Variants in MBOAT2 observed in about 807,000 individuals in gnomAD.
MBOAT2 encodes the protein membrane bound glycerophospholipid O-acyltransferase 2.
Under a neutral mutation model 63.4 loss-of-function variants are expected in MBOAT2, and 28 were observed. The observed-to-expected ratio is 0.44, with a 90% CI of 0.33 to 0.61. MBOAT2 has a LOEUF of 0.61. MBOAT2 is among the 20% of genes least tolerant of loss of function. The probability of loss-of-function intolerance (pLI) is 0.03; values close to 1 mark genes in which losing one functional copy is unlikely to be tolerated. For missense variants in MBOAT2, 470 were observed against 605.8 expected (o/e 0.78, Z 2.35); for synonymous variants, 211 against 215.6 (o/e 0.98, Z 0.19).
At chr2:8,906,065 C>G (rs1665305738) in intron 4 of MBOAT2, among the ~76,000 whole-genome samples, 1 of 152,304 alleles carries the variant, frequency 6.6e-6, no homozygotes, top group Non-Finnish European at 1.5e-5. Flanking sequence ...TCAAGCAACT[C>G]TTCCCACCTC....
intron 9 of MBOAT2, among the ~76,000 whole-genome samples, chr2:8,867,504 C>T (rs552422401): frequency 6.6e-6 from 1 of 152,292 alleles, no homozygotes; most frequent in African/African-American, 2.4e-5. Context: ...CCATGATCTG[C>T]CTCGTGGACA....
At chr2:8,894,012 T>C (rs1251852970) in intron 4 of MBOAT2, among the ~76,000 whole-genome samples, 1 of 152,060 alleles carries the variant, frequency 6.6e-6, no homozygotes, top group Admixed American at 6.6e-5. Context: ...GCAGGTTTGT[T>C]ACATAGGTAT....
intron 1 of MBOAT2, among the ~76,000 whole-genome samples, chr2:8,965,216 C>T (rs1161082392): frequency 1.3e-5 from 2 of 152,168 alleles, no homozygotes; most frequent in African/African-American, 4.8e-5. Context: ...ACCAGGAATT[C>T]TGAATTTTCC....
At chr2:8,901,053 G>A (rs755022013) in intron 4 of MBOAT2, among the ~76,000 whole-genome samples, 7 of 151,946 alleles carry the variant, frequency 4.6e-5, no homozygotes, top group Non-Finnish European at 1.0e-4. Flanking sequence ...TTTGTTTCTC[G>A]CCCTGCCCAA....
intron 1 of MBOAT2, among the ~76,000 whole-genome samples, chr2:8,965,180 T>C (rs948981033): frequency 2.0e-5 from 3 of 152,160 alleles, no homozygotes; most frequent in Admixed American, 1.3e-4. Flanking sequence ...ATAGTTCAAG[T>C]GTAATTATAT....
At chr2:8,988,150 T>G (rs1218686982) in intron 1 of MBOAT2, among the ~76,000 whole-genome samples, 1 of 152,216 alleles carries the variant, frequency 6.6e-6, no homozygotes, top group Non-Finnish European at 1.5e-5. Context: ...GAACTTTGGC[T>G]TTGTCCTTGG....
intron 3 of MBOAT2, among the ~76,000 whole-genome samples, chr2:8,941,275 C>T (rs1350032259): frequency 1.3e-5 from 2 of 152,184 alleles, no homozygotes; most frequent in African/African-American, 4.8e-5. Context: ...TCTTCTACAT[C>T]AATAGTGTCA....
At chr2:8,945,608 C>T (rs1235622416) in intron 2 of MBOAT2, among the ~76,000 whole-genome samples, 1 of 152,056 alleles carries the variant, frequency 6.6e-6, no homozygotes, top group Non-Finnish European at 1.5e-5. Context: ...TCAAAACTCA[C>T]GTTGTTTCGG....
intron 1 of MBOAT2, among the ~76,000 whole-genome samples, chr2:8,989,177 G>C (rs1671757966): frequency 6.6e-6 from 1 of 152,138 alleles, no homozygotes; most frequent in South Asian, 2.1e-4. Flanking sequence ...AATATGCTTT[G>C]ATGAGCCCCT....
intron 1 of MBOAT2, among the ~76,000 whole-genome samples, chr2:8,978,531 T>C (rs1218632386): frequency 6.6e-6 from 1 of 152,148 alleles, no homozygotes; most frequent in African/African-American, 2.4e-5. Context: ...AGAACTGTGA[T>C]CCTTTCCTAA....
In MBOAT2 at chr2:8,942,221, G is replaced by A. The variant is rs959953056; in HGVS notation, c.299+966C>T. ...GGTAGCGACTGACAGTGCCAAATAC[G>A]GAAAATGCAAAATAGAATGAGACTT... On this transcript the variant is annotated intron_variant, in intron 3 of 12. Coordinates refer to ENST00000305997, the MANE Select transcript of MBOAT2 (RefSeq NM_138799.4). Among the ~76,000 whole-genome samples the A allele has an allele frequency of 3.3e-5, 5 of 152,230 alleles. No homozygotes were observed. In the East Asian group the frequency reaches 7.7e-4, roughly 24 times the overall value.
intron 3 of MBOAT2, among the ~76,000 whole-genome samples, chr2:8,933,916 A>G (rs1040926361): frequency 2.6e-5 from 4 of 152,166 alleles, no homozygotes; most frequent in African/African-American, 9.7e-5. Flanking sequence ...AATGACTGAA[A>G]CCTCAACAGG....
intron 1 of MBOAT2, among the ~76,000 whole-genome samples, chr2:8,963,346 C>T (rs1669754493): frequency 6.6e-6 from 1 of 152,140 alleles, no homozygotes; most frequent in Admixed American, 6.5e-5. Flanking sequence ...TCTTGTTGCC[C>T]AGGCTAGAGT....
At chr2:8,935,098 C>G (rs1253293510) in intron 3 of MBOAT2, among the ~76,000 whole-genome samples, 1 of 152,168 alleles carries the variant, frequency 6.6e-6, no homozygotes, top group African/African-American at 2.4e-5. Context: ...CGACTCCACC[C>G]CACTTTGCCA....
At chr2:8,971,655 C>T (rs1214270491) in intron 1 of MBOAT2, among the ~76,000 whole-genome samples, 1 of 152,174 alleles carries the variant, frequency 6.6e-6, no homozygotes, top group African/African-American at 2.4e-5. Context: ...AGCTGATAAG[C>T]AACTTCAGCA....
intron 4 of MBOAT2, among the ~76,000 whole-genome samples, chr2:8,900,587 T>C (rs1052720354): frequency 5.3e-5 from 8 of 152,110 alleles, no homozygotes; most frequent in Non-Finnish European, 8.8e-5. Context: ...TTGTGGTACT[T>C]TGGAGATTTC....
intron 1 of MBOAT2, among the ~76,000 whole-genome samples, chr2:8,962,789 A>C (rs959420365): frequency 1.3e-5 from 2 of 151,982 alleles, no homozygotes; most frequent in Admixed American, 1.3e-4. Context: ...AAAATTAAAA[A>C]CTTCTACAAA....
At chr2:8,995,647 G>A (rs998620780) in intron 1 of MBOAT2, among the ~76,000 whole-genome samples, 2 of 143,474 alleles carry the variant, frequency 1.4e-5, no homozygotes, top group Admixed American at 7.1e-5. Flanking sequence ...CTGGAGTGTA[G>A]TGGCACGATC....
intron 5 of MBOAT2, among the ~76,000 whole-genome samples, chr2:8,887,799 TCTA>T (rs1021477206): frequency 1.1e-4 from 17 of 152,228 alleles, no homozygotes; most frequent in Admixed American, 9.8e-4. Flanking sequence ...ATCACACTAT[TCTA>T]CTGTCACTGC....
Sources: allele counts gnomAD v4.1 joint callset (sites outside exome capture counted in the v4.1 genomes callset), GRCh38; gene constraint gnomAD v4.1.1; transcripts MANE v1.5; gene names NCBI Gene and HGNC (gene_info 2026-07-23, HGNC 2026-07-21).